Variants in UNC5C observed in about 807,000 individuals in gnomAD.
UNC5C encodes unc-5 netrin receptor C.
A neutral mutation model predicts 99.8 loss-of-function variants in UNC5C; 47 were observed. The ratio of observed to expected loss-of-function variants is 0.47; its 90% CI spans 0.37 to 0.60. The LOEUF is 0.60. UNC5C is among the 20% of genes least tolerant of loss of function. The probability of loss-of-function intolerance (pLI) is 0.00; values close to 1 mark genes in which losing one functional copy is unlikely to be tolerated. For missense variants in UNC5C, 1,062 were observed against 1,165.9 expected (o/e 0.91, Z 1.30); for synonymous variants, 487 against 452.2 (o/e 1.08, Z -0.98).
rs192143416 is a variant in UNC5C, at chr4:95,261,765, G to A, written c.595-11098C>T. Among the ~76,000 whole-genome samples, 308 of 151,014 alleles carry A rather than the reference G, an allele frequency of 2.0e-3. 1 individual carries two copies. Among genetic ancestry groups the A allele is most frequent in the East Asian group, 6.1e-3 (31 of 5,080 alleles). Reference sequence around the variant, plus strand: ...GTCGCCCAGGCTGGAGTGCGGTGGCGCGATCTCAGCTCACTGCAACAACTG... The same window carrying A: ...GTCGCCCAGGCTGGAGTGCGGTGGCACGATCTCAGCTCACTGCAACAACTG... On this transcript the variant is annotated intron_variant, in intron 4 of 15. Coordinates refer to ENST00000453304, the MANE Select transcript of UNC5C (RefSeq NM_003728.4).
At chr4:95,285,448 A>G (rs987568928) in intron 3 of UNC5C, among the ~76,000 whole-genome samples, 2 of 152,192 alleles carry the variant, frequency 1.3e-5, no homozygotes, top group Non-Finnish European at 2.9e-5. Flanking sequence ...AAAGTTTGGA[A>G]AATTATAAAG....
chr4:95,450,522 C>T (rs542021326), intron 1 of UNC5C, among the ~76,000 whole-genome samples: 1 of 152,326 alleles, frequency 6.6e-6, no homozygotes, highest in Admixed American at 6.5e-5. Context: ...GTACTTCTTA[C>T]ATCAAAGATC....
At chr4:95,531,343 A>C (rs1274909100) in intron 1 of UNC5C, among the ~76,000 whole-genome samples, 1 of 152,186 alleles carries the variant, frequency 6.6e-6, no homozygotes, top group Non-Finnish European at 1.5e-5. Context: ...GCTTTATGTC[A>C]AAGCAAGATT....
intron 1 of UNC5C, among the ~76,000 whole-genome samples, chr4:95,438,789 A>C (rs1223690141): frequency 6.6e-6 from 1 of 152,182 alleles, no homozygotes; most frequent in East Asian, 1.9e-4. Context: ...TTGTGTGTGC[A>C]TTCCTAAACA....
intron 1 of UNC5C, among the ~76,000 whole-genome samples, chr4:95,388,849 T>A (rs564921141): frequency 3.5e-4 from 54 of 152,312 alleles, no homozygotes; most frequent in South Asian, 1.5e-3. Flanking sequence ...TGCTTTTAAT[T>A]TCTTTGCTAT....
intron 2 of UNC5C, among the ~76,000 whole-genome samples, chr4:95,305,401 T>C (rs1579311180): frequency 6.6e-6 from 1 of 152,196 alleles, no homozygotes. Context: ...ATATTTTTTC[T>C]CTTTGAACCT....
intron 1 of UNC5C, among the ~76,000 whole-genome samples, chr4:95,470,951 T>G (rs1158571939): frequency 6.6e-6 from 1 of 152,056 alleles, no homozygotes; most frequent in African/African-American, 2.4e-5. Context: ...CTAGCCATCA[T>G]GAGTGTCAGG....
At chr4:95,256,529 C>G (rs1739989302) in intron 4 of UNC5C, among the ~76,000 whole-genome samples, 1 of 151,848 alleles carries the variant, frequency 6.6e-6, no homozygotes, top group African/African-American at 2.4e-5. Context: ...GTCCAAGTCA[C>G]TATCGTTTCC....
intron 1 of UNC5C, among the ~76,000 whole-genome samples, chr4:95,454,002 G>GT (rs1747358329): frequency 6.6e-6 from 1 of 152,056 alleles, no homozygotes; most frequent in Non-Finnish European, 1.5e-5. Context: ...CCAGAAGAAG[G>GT]GAAGAGGGAG....
chr4:95,415,912 TTG>T (rs1180948670), intron 1 of UNC5C, among the ~76,000 whole-genome samples: 1 of 151,408 alleles, frequency 6.6e-6, no homozygotes, highest in African/African-American at 2.4e-5. Context: ...TTTAAAATTG[TTG>T]TTTTTTTTTT....
At chr4:95,495,728 C>T (rs934256339) in intron 1 of UNC5C, among the ~76,000 whole-genome samples, 2 of 151,572 alleles carry the variant, frequency 1.3e-5, no homozygotes, top group Admixed American at 1.3e-4. Flanking sequence ...CATGTTTTGA[C>T]TCCAGAGCTC....
intron 3 of UNC5C, among the ~76,000 whole-genome samples, chr4:95,286,153 A>C (rs543817912): frequency 7.0e-4 from 107 of 152,320 alleles, no homozygotes; most frequent in African/African-American, 2.5e-3. Context: ...AGTATTAATA[A>C]ATTTTATTAG....
At chr4:95,198,034 C>T (rs1737503496) in intron 12 of UNC5C, among the ~76,000 whole-genome samples, 1 of 142,806 alleles carries the variant, frequency 7.0e-6, no homozygotes, top group African/African-American at 2.7e-5. Context: ...GCCACCCAGG[C>T]TGGAGTGCCG....
chr4:95,468,424 C>T (rs974491973), intron 1 of UNC5C, among the ~76,000 whole-genome samples: 2 of 152,066 alleles, frequency 1.3e-5, no homozygotes, highest in Non-Finnish European at 2.9e-5. Flanking sequence ...TGAATTTCTC[C>T]AAGATCTATA....
At position 95,245,088 on chromosome 4, in the gene UNC5C, G is replaced by A. The variant is rs1417647452; in HGVS notation, c.832C>T (p.Arg278Ter). 4 of 1,614,026 alleles carry A rather than the reference G, an allele frequency of 2.5e-6. No homozygotes were observed. Among genetic ancestry groups the A allele is most frequent in the Non-Finnish European group, 3.4e-6 (4 of 1,179,996 alleles). The stretch of plus-strand genomic sequence containing the variant: ...GTCCTTGTACGTTTCTGATACCCTC[G>A]TCCACAGCGGCTGTTACACACAGAC... ...EWSVCNSRCG[R>*]GYQKRTRTCT... The change falls in exon 6 of 16, where the codon CGA (arginine) becomes TGA (stop). Residue 278 changes from arginine to a stop codon, truncating the protein, a stop_gained. Transcript: ENST00000453304. LOFTEE classifies it high-confidence loss of function.
chr4:95,221,975 A>C (rs554246206), intron 7 of UNC5C, among the ~76,000 whole-genome samples: 4 of 152,216 alleles, frequency 2.6e-5, no homozygotes, highest in African/African-American at 7.2e-5. Context: ...ATGTTTTGTC[A>C]GCTACTGGGA....
intron 2 of UNC5C, among the ~76,000 whole-genome samples, chr4:95,323,212 T>C (rs966407206): frequency 2.0e-5 from 3 of 152,176 alleles, no homozygotes; most frequent in African/African-American, 7.2e-5. Context: ...ATTCAAAATG[T>C]ATTTGTTGAG....
intron 1 of UNC5C, among the ~76,000 whole-genome samples, chr4:95,360,970 G>A (rs1262525864): frequency 6.6e-6 from 1 of 152,124 alleles, no homozygotes; most frequent in East Asian, 1.9e-4. Context: ...TTTTTAGGAA[G>A]GCATCCTTTC....
intron 1 of UNC5C, among the ~76,000 whole-genome samples, chr4:95,424,502 A>ATTTTTTTTTTTT (rs202226117): frequency 1.0e-5 from 1 of 95,840 alleles, no homozygotes; most frequent in African/African-American, 4.0e-5. Context: ...GGGCTTCAGA[A>ATTTTTTTTTTTT]TTTTTTTTTT....
Sources: gnomAD v4.1 joint callset for allele counts (sites outside exome capture counted in the v4.1 genomes callset) on GRCh38, gnomAD v4.1.1 for gene constraint, MANE v1.5 for transcripts, NCBI Gene and HGNC (gene_info 2026-07-23, HGNC 2026-07-21) for gene names.